ZBED3: variants seen among roughly 807,000 people sequenced by gnomAD.
ZBED3 encodes zinc finger BED-type containing 3.
For missense variants in ZBED3, 388 were observed against 362.9 expected (o/e 1.07, Z -0.56); for synonymous variants, 175 against 180.0 (o/e 0.97, Z 0.22).
intron 1 of ZBED3, among the ~76,000 whole-genome samples, chr5:77,081,343 T>C (rs1374585080): frequency 7.3e-5 from 11 of 151,492 alleles, no homozygotes; most frequent in Non-Finnish European, 1.0e-4. Context: ...TCTTTCTTTT[T>C]TTTTTTTTTT....
At position 77,075,935 on chromosome 5, in the gene ZBED3, T is replaced by TTATA. The variant is rs201611949; in HGVS notation, c.*1235_*1238dup. On this transcript the variant is annotated 3_prime_UTR_variant, in exon 3 of 3. Transcript: ENST00000255198. ...GACATGCACCCTAGAACTTAAAGTA[T>TTATA]TATATATACATATATATATATATAT... The TTATA allele has an allele frequency of 2.0e-3, 42 of 21,160 alleles. 9 individuals carry two copies. Among genetic ancestry groups the TTATA allele is most frequent in the South Asian group, 3.5e-3 (3 of 852 alleles). 1.3% of individuals were successfully genotyped at this position (21,160 alleles called of 1,614,324 possible).
At chr5:77,084,903 A>G (rs949985376) in intron 1 of ZBED3, among the ~76,000 whole-genome samples, 1 of 152,256 alleles carries the variant, frequency 6.6e-6, no homozygotes, top group Non-Finnish European at 1.5e-5. Flanking sequence ...AAATAAAAGC[A>G]CTGCTAACAT....
intron 1 of ZBED3, among the ~76,000 whole-genome samples, chr5:77,079,953 T>C (rs1020854659): frequency 6.6e-6 from 1 of 152,244 alleles, no homozygotes; most frequent in Non-Finnish European, 1.5e-5. Flanking sequence ...TTTTTCTTTT[T>C]TAAAATTTCT....
In ZBED3 at chr5:77,072,319, C is replaced by T. The variant is rs1426566177; in HGVS notation, c.*4855G>A. Reference sequence around the variant, plus strand: ...TTATGAGCCACACTAAAATAATTATCATTGTTTTATTATAATCTCACCTTA... The same window carrying T: ...TTATGAGCCACACTAAAATAATTATTATTGTTTTATTATAATCTCACCTTA... On this transcript the variant is annotated 3_prime_UTR_variant, in exon 3 of 3. Coordinates refer to ENST00000255198, the MANE Select transcript of ZBED3 (RefSeq NM_032367.4). 1 of 152,168 alleles carries T rather than the reference C, an allele frequency of 6.6e-6. No individual in the cohort carries two copies. Among genetic ancestry groups the T allele is most frequent in the Non-Finnish European group, 1.5e-5 (1 of 68,030 alleles). The allele number at this position is 152,168 out of a possible 1,614,324, so 9.4% of individuals were successfully genotyped here. A position where few individuals can be genotyped will look rare whatever the true frequency, so the allele number is the denominator to read the frequency against.
chr5:77,075,502 T>A lies in ZBED3; in HGVS notation c.*1672A>T, dbSNP rs985012077. On this transcript the variant is annotated 3_prime_UTR_variant, in exon 3 of 3. Coordinates refer to ENST00000255198, the MANE Select transcript of ZBED3 (RefSeq NM_032367.4). The stretch of plus-strand genomic sequence containing the variant: ...ATCTTAATGTAATCATGTAGAACGG[T>A]GTCTTTGTGCTCAGGAAATCTATGT... The A allele has an allele frequency of 2.0e-5, 3 of 152,124 alleles. No individual in the cohort carries two copies. The highest frequency in any genetic ancestry group is 1.3e-4 in the Admixed American group (2 of 15,274). The allele number at this position is 152,124 out of a possible 1,614,324, so 9.4% of individuals were successfully genotyped here.
intron 1 of ZBED3, among the ~76,000 whole-genome samples, chr5:77,086,220 C>T (rs1237807755): frequency 1.3e-5 from 2 of 152,052 alleles, no homozygotes; most frequent in Non-Finnish European, 2.9e-5. Context: ...TTTAAAGCTG[C>T]CCTACTTTGA....
chr5:77,084,258 C>T (rs1743189205), intron 1 of ZBED3, among the ~76,000 whole-genome samples: 1 of 152,210 alleles, frequency 6.6e-6, no homozygotes, highest in Non-Finnish European at 1.5e-5. Context: ...CCACCCAAAT[C>T]TCATCCTGAA....
In ZBED3 at chr5:77,072,666, T is replaced by C. The variant is rs541163065; in HGVS notation, c.*4508A>G. ...CAGATTGAGTTTTGACTGGAGCAGG[T>C]CATTTGGCAACTATTTGATAGAAAA... On this transcript the variant is annotated 3_prime_UTR_variant, in exon 3 of 3. Transcript: ENST00000255198. 6.6e-6 allele frequency: 1 copy of C among 152,332 alleles called. No homozygotes were observed. The highest frequency in any genetic ancestry group is 2.1e-4 in the South Asian group (1 of 4,832). 9.4% of individuals were successfully genotyped at this position (152,332 alleles called of 1,614,324 possible).
chr5:77,082,270 A>G (rs1041913966), intron 1 of ZBED3, among the ~76,000 whole-genome samples: 4 of 98,020 alleles, frequency 4.1e-5, no homozygotes, highest in African/African-American at 1.4e-4. Context: ...GCTGTATTGA[A>G]AAAAAAAAAA....
intron 1 of ZBED3, among the ~76,000 whole-genome samples, chr5:77,083,972 A>C (rs1209582304): frequency 6.6e-6 from 1 of 152,234 alleles, no homozygotes; most frequent in Non-Finnish European, 1.5e-5. Context: ...AGCTAATAAG[A>C]AAATGAAAAA....
At position 77,075,935 on chromosome 5, in the gene ZBED3, T is replaced by TTATATATATATATATA. The variant is rs201611949; in HGVS notation, c.*1238_*1239insTATATATATATATATA. On this transcript the variant is annotated 3_prime_UTR_variant, in exon 3 of 3. Coordinates refer to ENST00000255198, the MANE Select transcript of ZBED3 (RefSeq NM_032367.4). ...GACATGCACCCTAGAACTTAAAGTATTATATATACATATATATATATATAT... is the reference window on the plus strand; with the variant it reads ...GACATGCACCCTAGAACTTAAAGTATTATATATATATATATATATATATACATATATATATATATAT... The TTATATATATATATATA allele has an allele frequency of 2.4e-4, 5 of 21,168 alleles. No individual in the cohort carries two copies. The highest frequency in any genetic ancestry group is 6.9e-4 in the Admixed American group (1 of 1,452). The allele number at this position is 21,168 out of a possible 1,614,324, so 1.3% of individuals were successfully genotyped here.
At chr5:77,078,234 T>G (rs953489713) in intron 2 of ZBED3, among the ~76,000 whole-genome samples, 5 of 152,062 alleles carry the variant, frequency 3.3e-5, no homozygotes, top group Non-Finnish European at 7.3e-5. Flanking sequence ...TAGCTTTAAC[T>G]AGTCTCTGCT....
intron 1 of ZBED3, among the ~76,000 whole-genome samples, chr5:77,084,116 G>A (rs1743184892): frequency 6.6e-6 from 1 of 152,202 alleles, no homozygotes; most frequent in Admixed American, 6.5e-5. Context: ...AAGGTCAGGT[G>A]CGTGCTTTCT....
chr5:77,082,867 G>A (rs1743156162), intron 1 of ZBED3, among the ~76,000 whole-genome samples: 1 of 152,144 alleles, frequency 6.6e-6, no homozygotes, highest in Admixed American at 6.5e-5. Flanking sequence ...TGGGTGTGGT[G>A]GCTCACACCT....
rs1421991757 is a variant in ZBED3, at chr5:77,075,903, G to A, written c.*1271C>T. On this transcript the variant is annotated 3_prime_UTR_variant, in exon 3 of 3. Transcript: ENST00000255198. Reference sequence around the variant, plus strand: ...CTTGGAAATAGTCTGGTGAAGCATAGAAAACTGACATGCACCCTAGAACTT... The same window carrying A: ...CTTGGAAATAGTCTGGTGAAGCATAAAAAACTGACATGCACCCTAGAACTT... 2 of 133,454 alleles carry A rather than the reference G, an allele frequency of 1.5e-5. No individual in the cohort carries two copies. Among genetic ancestry groups the A allele is most frequent in the African/African-American group, 2.8e-5 (1 of 35,948 alleles). The allele number at this position is 133,454 out of a possible 1,614,324, so 8.3% of individuals were successfully genotyped here.
Position 77,075,943 on chromosome 5 carries a change from ACATATATATATATATATATATATG to A in ZBED3, c.*1207_*1230del, listed in dbSNP as rs1561296252. On this transcript the variant is annotated 3_prime_UTR_variant, in exon 3 of 3. Coordinates refer to ENST00000255198, the MANE Select transcript of ZBED3 (RefSeq NM_032367.4). ...CCCTAGAACTTAAAGTATTATATAT[ACATATATATATATATATATATATG>A]TATATGTATATATGTATATATATAT... is the stretch of plus-strand genomic sequence containing the variant. 1 of 11,488 alleles carries A rather than the reference ACATATATATATATATATATATATG, an allele frequency of 8.7e-5. No individual in the cohort carries two copies. The highest frequency in any genetic ancestry group is 3.2e-4 in the African/African-American group (1 of 3,098). 0.7% of individuals were successfully genotyped at this position (11,488 alleles called of 1,614,324 possible). A position where few individuals can be genotyped will look rare whatever the true frequency, so the allele number is the denominator to read the frequency against.
intron 1 of ZBED3, chr5:77,080,642 G>A (rs761964965): frequency 2.0e-6 from 1 of 511,284 alleles, no homozygotes; most frequent in Non-Finnish European, 3.9e-6. Context: ...AGCAGTCTAT[G>A]GCCACAGGCC....
intron 1 of ZBED3, among the ~76,000 whole-genome samples, chr5:77,084,660 T>C (rs927092821): frequency 1.3e-5 from 2 of 152,146 alleles, no homozygotes; most frequent in Non-Finnish European, 2.9e-5. Flanking sequence ...TAATCTCCAC[T>C]GGGGAAGGGG....
intron 1 of ZBED3, among the ~76,000 whole-genome samples, chr5:77,085,338 T>C (rs1743215855): frequency 6.6e-6 from 1 of 152,208 alleles, no homozygotes; most frequent in Non-Finnish European, 1.5e-5. Flanking sequence ...CCTACAAAAG[T>C]TGATTGTATT....
Sources: allele counts gnomAD v4.1 joint callset (sites outside exome capture counted in the v4.1 genomes callset), GRCh38; gene constraint gnomAD v4.1.1; transcripts MANE v1.5; gene names NCBI Gene and HGNC (gene_info 2026-07-23, HGNC 2026-07-21).